SHISAL1: variants seen among roughly 807,000 people sequenced by gnomAD.
The protein encoded by SHISAL1 is protein shisa-like-1.
SHISAL1 carries 9 observed loss-of-function variants against 22.6 expected under a neutral mutation model. The ratio of observed to expected loss-of-function variants is 0.40; its 90% confidence interval spans 0.24 to 0.70. The LOEUF is 0.70. Ranked by LOEUF, SHISAL1 falls within the 30% of genes least tolerant of loss-of-function variation. The pLI is 0.39. For missense variants in SHISAL1, 246 were observed against 270.6 expected, an observed-to-expected ratio of 0.91 and a Z score of 0.64; for synonymous variants, 119 against 115.4, an observed-to-expected ratio of 1.03 and a Z score of -0.20.
In SHISAL1 at chr22:44,306,651, C is replaced by A. The variant is rs113707613; in HGVS notation, c.-32-5674G>T. Among the ~76,000 whole-genome samples, 46 of 94,958 alleles carry A rather than the reference C, an allele frequency of 4.8e-4. 1 individual carries two copies. Among genetic ancestry groups the A allele is most frequent in the Non-Finnish European group, 7.7e-4 (32 of 41,358 alleles). 62.3% of individuals were successfully genotyped at this position (94,958 alleles called of 152,430 possible). On this transcript the variant is annotated intron_variant, in intron 1 of 4. Transcript: ENST00000381176. ...ATGACGATGGCGTGTGTGGAGGGGA[C>A]CTGGGCTCGGGGAGCTGTGATGACG...
At chr22:44,330,586 T>C in the SHISAL1 span, among the ~76,000 whole-genome samples, 5 of 152,134 alleles carry the variant, frequency 3.3e-5, no homozygotes, top group African/African-American at 4.8e-5. Context: ...GACCCGGCCT[T>C]GTTTGCCCAC....
chr22:44,310,070 C>T lies in SHISAL1; in HGVS notation c.-33+2681G>A, dbSNP rs2055507620. Among the ~76,000 whole-genome samples, 1 of 152,204 alleles carries T rather than the reference C, an allele frequency of 6.6e-6. No individual in the cohort carries two copies. Among genetic ancestry groups the T allele is most frequent in the African/African-American group, 2.4e-5 (1 of 41,450 alleles). On this transcript the variant is annotated intron_variant, in intron 1 of 4. Coordinates refer to ENST00000381176, the MANE Select transcript of SHISAL1 (RefSeq NM_001099294.2). The surrounding 1 kb of genome is among the most constrained non-coding windows in gnomAD (Gnocchi z 4.0). ...TCGCCTGCAGCTGGGGTGCCGGGCTCCACGGCTGACAGTGAGTGAGAAGGG... is the reference window on the plus strand; with the variant it reads ...TCGCCTGCAGCTGGGGTGCCGGGCTTCACGGCTGACAGTGAGTGAGAAGGG...
chr22:44,294,064 G>A (rs1431432739), intron 3 of SHISAL1, among the ~76,000 whole-genome samples: 4 of 152,242 alleles, frequency 2.6e-5, no homozygotes, highest in Admixed American at 6.5e-5. Flanking sequence ...CTTGTCTGGC[G>A]TTCAGCCAGA....
chr22:44,255,528 T>C (rs2055078454), intron 4 of SHISAL1, among the ~76,000 whole-genome samples: 1 of 152,176 alleles, frequency 6.6e-6, no homozygotes, highest in African/African-American at 2.4e-5. Flanking sequence ...CCGTTGGACC[T>C]TCCTTCAGAA....
At position 44,268,737 on chromosome 22, in the gene SHISAL1, C is replaced by T. The variant is rs2055184050; in HGVS notation, c.599+16691G>A. 2.0e-5 allele frequency among the ~76,000 whole-genome samples: 3 copies of T among 152,070 alleles called. No homozygotes were observed. In the South Asian group the frequency reaches 6.2e-4, roughly 32 times the overall value. Reference sequence around the variant, plus strand: ...ACGTTTTGAGGAATGAGGAGGAGCTCGCCAAGGGGCTGGGGTGGGGAAACC... The same window carrying T: ...ACGTTTTGAGGAATGAGGAGGAGCTTGCCAAGGGGCTGGGGTGGGGAAACC... On this transcript the variant is annotated intron_variant, in intron 4 of 4. Transcript: ENST00000381176.
the SHISAL1 span, among the ~76,000 whole-genome samples, chr22:44,325,585 G>A: frequency 6.6e-6 from 1 of 152,166 alleles, no homozygotes; most frequent in African/African-American, 2.4e-5. Context: ...AACCCGCACA[G>A]AGCCCATGAG....
chr22:44,305,605 C>G (rs1404934043), intron 1 of SHISAL1, among the ~76,000 whole-genome samples: 1 of 152,204 alleles, frequency 6.6e-6, no homozygotes, highest in African/African-American at 2.4e-5. Context: ...GAATCCCAGC[C>G]CTGCGGGACA....
At chr22:44,276,920 G>A (rs1267252041) in intron 4 of SHISAL1, among the ~76,000 whole-genome samples, 2 of 152,186 alleles carry the variant, frequency 1.3e-5, no homozygotes, top group Non-Finnish European at 2.9e-5. Flanking sequence ...GGAACAAGAA[G>A]GGCAGCGATG....
At chr22:44,299,652 C>T (rs947175606) in intron 2 of SHISAL1, among the ~76,000 whole-genome samples, 1 of 151,802 alleles carries the variant, frequency 6.6e-6, no homozygotes, top group Non-Finnish European at 1.5e-5. Context: ...ACCACCAGGC[C>T]AGTGTCAGTG....
At chr22:44,251,441 G>A (rs1032351384) in intron 4 of SHISAL1, among the ~76,000 whole-genome samples, 1 of 152,212 alleles carries the variant, frequency 6.6e-6, no homozygotes, top group African/African-American at 2.4e-5. Flanking sequence ...ACTATAAAAG[G>A]ATGGGCAGAT....
At chr22:44,289,466 ATGTG>A (rs35632126) in intron 3 of SHISAL1, among the ~76,000 whole-genome samples, 54 of 120,974 alleles carry the variant, frequency 4.5e-4, no homozygotes, top group African/African-American at 1.3e-3. Context: ...GTCATTGTAA[ATGTG>A]TGTGTGTGTG....
chr22:44,267,619 C>A (rs1391294142), intron 4 of SHISAL1, among the ~76,000 whole-genome samples: 1 of 152,210 alleles, frequency 6.6e-6, no homozygotes, highest in Non-Finnish European at 1.5e-5. Context: ...CCGAGAAGCC[C>A]ACATCTTACC....
chr22:44,325,081 A>G, the SHISAL1 span, among the ~76,000 whole-genome samples: 1 of 152,090 alleles, frequency 6.6e-6, no homozygotes, highest in African/African-American at 2.4e-5. Flanking sequence ...TGTCTCTACT[A>G]AAACTACAAA....
intron 4 of SHISAL1, among the ~76,000 whole-genome samples, chr22:44,270,890 C>T (rs2055201290): frequency 6.6e-6 from 1 of 152,202 alleles, no homozygotes; most frequent in Non-Finnish European, 1.5e-5. Context: ...AGGCTGGCAA[C>T]AGAACCACGT....
At chr22:44,254,559 G>T (rs115954567) in intron 4 of SHISAL1, among the ~76,000 whole-genome samples, 2 of 152,094 alleles carry the variant, frequency 1.3e-5, no homozygotes, top group East Asian at 3.9e-4. Flanking sequence ...ATGGGGTCTT[G>T]CTGTGTTGCC....
At chr22:44,267,934 C>G (rs1279953806) in intron 4 of SHISAL1, among the ~76,000 whole-genome samples, 2 of 152,234 alleles carry the variant, frequency 1.3e-5, no homozygotes, top group African/African-American at 4.8e-5. Flanking sequence ...TCCTGCAGGC[C>G]CTCTGGGAGT....
At position 44,246,354 on chromosome 22, in the gene SHISAL1, T is replaced by C. The variant is rs1271062659; in HGVS notation, c.*3331A>G. 1 of 151,808 alleles carries C rather than the reference T, an allele frequency of 6.6e-6. No individual in the cohort carries two copies. Among genetic ancestry groups the C allele is most frequent in the East Asian group, 1.9e-4 (1 of 5,202 alleles). The allele number at this position is 151,808 out of a possible 1,614,324, so 9.4% of individuals were successfully genotyped here. On this transcript the variant is annotated 3_prime_UTR_variant, in exon 5 of 5. Coordinates refer to ENST00000381176, the MANE Select transcript of SHISAL1 (RefSeq NM_001099294.2). ...ATTCCTCTGTGGACATCTTGTCCTC[T>C]TCTCTCTCTCGTTTTTCTTTTTGTA...
At chr22:44,266,412 TTGTTGGGGGGCTGTGTGTG>T (rs2055161488) in intron 4 of SHISAL1, among the ~76,000 whole-genome samples, 1 of 122,550 alleles carries the variant, frequency 8.2e-6, no homozygotes, top group Middle Eastern at 4.2e-3. Flanking sequence ...GGCTTGTTGT[TTGTTGGGGGGCTGTGTGTG>T]TGTTGGGGGG....
the SHISAL1 span, among the ~76,000 whole-genome samples, chr22:44,323,129 G>A: frequency 2.0e-4 from 16 of 79,686 alleles, no homozygotes; most frequent in African/African-American, 2.5e-4. Context: ...TCACCCACCC[G>A]TTCATCCATC....
Sources: gnomAD v4.1 joint callset for allele counts (sites outside exome capture counted in the v4.1 genomes callset) on GRCh38, gnomAD v4.1.1 for gene constraint, Gnocchi (gnomAD v3.1) non-coding constraint, MANE v1.5 for transcripts, NCBI Gene and HGNC (gene_info 2026-07-23, HGNC 2026-07-21) for gene names.